Variants in ELF2 observed in about 807,000 individuals in gnomAD.
ELF2 encodes the protein ETS-related transcription factor Elf-2.
A neutral mutation model predicts 54.8 loss-of-function variants in ELF2; 11 were observed. The observed-to-expected ratio is 0.20, with a 90% CI of 0.13 to 0.33. The LOEUF (loss-of-function observed/expected upper bound fraction) is 0.33. ELF2 is among the 10% of genes least tolerant of loss of function. The pLI is 1.00. For missense variants in ELF2, 513 were observed against 703.0 expected, an observed-to-expected ratio of 0.73 and a Z score of 3.06; for synonymous variants, 203 against 245.1, an observed-to-expected ratio of 0.83 and a Z score of 1.61.
At chr4:139,132,608 T>C (rs1201421820) in intron 3 of ELF2, among the ~76,000 whole-genome samples, 1 of 152,158 alleles carries the variant, frequency 6.6e-6, no homozygotes, top group African/African-American at 2.4e-5. Context: ...TTGCTGCATG[T>C]ATCAATACTT....
chr4:139,150,967 T>TGAGCCGAGA (rs142035895), intron 1 of ELF2, among the ~76,000 whole-genome samples: 37,317 of 135,518 alleles, frequency 0.28, 6,051 homozygotes, highest in Middle Eastern at 0.33. Context: ...GAGCTTGCAG[T>TGAGCCGAGA]GAGCCGAGAT....
intron 1 of ELF2, among the ~76,000 whole-genome samples, chr4:139,174,281 C>T (rs1343679532): frequency 6.9e-6 from 1 of 144,698 alleles, no homozygotes; most frequent in Non-Finnish European, 1.5e-5. Context: ...CATATTACAA[C>T]ATGGATATAC....
intron 1 of ELF2, among the ~76,000 whole-genome samples, chr4:139,144,354 C>T (rs1373631940): frequency 6.6e-6 from 1 of 152,194 alleles, no homozygotes; most frequent in East Asian, 1.9e-4. Flanking sequence ...CGGTCTCCAA[C>T]GCAAACCAAG....
At chr4:139,115,835 TTTTTGTTTTGTTTTG>T in intron 4 of ELF2, among the ~76,000 whole-genome samples, 1 of 152,116 alleles carries the variant, frequency 6.6e-6, no homozygotes, top group East Asian at 1.9e-4. Flanking sequence ...TTTGTTGTTG[TTTTTGTTTTGTTTTG>T]TTTTGTTTTT....
At chr4:139,068,482 T>C (rs1247868957) in intron 6 of ELF2, among the ~76,000 whole-genome samples, 1 of 152,192 alleles carries the variant, frequency 6.6e-6, no homozygotes, top group South Asian at 2.1e-4. Flanking sequence ...GTAAAAAATA[T>C]CAAACACTCT....
chr4:139,172,864 T>A (rs1476573555), intron 1 of ELF2, among the ~76,000 whole-genome samples: 1 of 99,562 alleles, frequency 1.0e-5, no homozygotes, highest in Admixed American at 1.7e-4. Flanking sequence ...GGTCTTGGAA[T>A]GTATCCCACA....
At chr4:139,104,279 G>T (rs1455347301) in intron 4 of ELF2, among the ~76,000 whole-genome samples, 1 of 152,134 alleles carries the variant, frequency 6.6e-6, no homozygotes, top group African/African-American at 2.4e-5. Flanking sequence ...GGAGGCCGAG[G>T]TGGGCAGATC....
chr4:139,154,529 C>A (rs1740333449), intron 1 of ELF2, among the ~76,000 whole-genome samples: 1 of 151,390 alleles, frequency 6.6e-6, no homozygotes, highest in African/African-American at 2.4e-5. Flanking sequence ...CTGTGTCAGG[C>A]AAACTTGCCT....
At chr4:139,071,818 G>A (rs1729551879) in intron 6 of ELF2, 48 bp downstream of exon 6, 1 of 1,530,562 alleles carries the variant, frequency 6.5e-7, no homozygotes, top group Non-Finnish European at 8.8e-7. Context: ...AAAAAGATAA[G>A]AGAAAAATTT....
At chr4:139,118,634 CAAGG>C (rs1735996532) in intron 4 of ELF2, among the ~76,000 whole-genome samples, 1 of 148,460 alleles carries the variant, frequency 6.7e-6, no homozygotes, top group Non-Finnish European at 1.5e-5. Flanking sequence ...GCACAATAAT[CAAGG>C]AAGGAATGAC....
chr4:139,127,380 GACT>G (rs1737028718), intron 3 of ELF2, among the ~76,000 whole-genome samples: 1 of 152,126 alleles, frequency 6.6e-6, no homozygotes, highest in African/African-American at 2.4e-5. Flanking sequence ...ATTGCTCACT[GACT>G]ACTTGAAGAC....
intron 1 of ELF2, among the ~76,000 whole-genome samples, chr4:139,157,378 A>C (rs1344393881): frequency 1.3e-5 from 2 of 152,196 alleles, no homozygotes; most frequent in East Asian, 3.9e-4. Flanking sequence ...AACTTAGATA[A>C]CTTGTGACAT....
At chr4:139,134,567 A>ATTGTATTG (rs1560850989) in intron 3 of ELF2, among the ~76,000 whole-genome samples, 3 of 144,260 alleles carry the variant, frequency 2.1e-5, no homozygotes, top group African/African-American at 8.2e-5. Flanking sequence ...ATTTTATGTT[A>ATTGTATTG]TTTTATTTTA....
intron 4 of ELF2, among the ~76,000 whole-genome samples, chr4:139,075,004 C>T (rs1423450558): frequency 6.6e-6 from 1 of 152,162 alleles, no homozygotes; most frequent in Admixed American, 6.5e-5. Flanking sequence ...ATTATATTTA[C>T]TGCCAGAGTA....
At chr4:139,137,588 T>C (rs2148861639) in intron 3 of ELF2, 42 bp downstream of exon 3, 1 of 1,595,608 alleles carries the variant, frequency 6.3e-7, no homozygotes, top group East Asian at 2.2e-5. Context: ...ATGCACAAAT[T>C]TCTATGAAGA....
intron 2 of ELF2, 41 bp from the exon 3 acceptor site, chr4:139,137,908 C>T (rs553004495): frequency 2.4e-6 from 3 of 1,245,938 alleles, no homozygotes; most frequent in Non-Finnish European, 3.1e-6. Context: ...TTAAAAATTA[C>T]AGGAAGGACA....
At chr4:139,174,913 C>T (rs1008556100) in intron 1 of ELF2, among the ~76,000 whole-genome samples, 1 of 152,166 alleles carries the variant, frequency 6.6e-6, no homozygotes, top group African/African-American at 2.4e-5. Context: ...GCCACTGCAC[C>T]CAGCAACTAT....
intron 4 of ELF2, among the ~76,000 whole-genome samples, chr4:139,085,670 C>T (rs770779845): frequency 2.0e-5 from 3 of 152,162 alleles, no homozygotes; most frequent in Non-Finnish European, 2.9e-5. Context: ...ATGCTATTTC[C>T]AAAGTACAAC....
At chr4:139,151,050 A>G (rs887060708) in intron 1 of ELF2, among the ~76,000 whole-genome samples, 1 of 95,778 alleles carries the variant, frequency 1.0e-5, no homozygotes, top group African/African-American at 3.1e-5. Context: ...GAAAGAAAGA[A>G]AGAAAGAAAG....
Sources: allele counts gnomAD v4.1 joint callset (sites outside exome capture counted in the v4.1 genomes callset), GRCh38; gene constraint gnomAD v4.1.1; transcripts MANE v1.5; gene names NCBI Gene and HGNC (gene_info 2026-07-23, HGNC 2026-07-21).